CASS4: variants seen among roughly 807,000 people sequenced by gnomAD.
CASS4 encodes Cas scaffold protein family member 4.
CASS4 carries 22 observed loss-of-function variants against 54.2 expected under a neutral mutation model. The ratio of observed to expected loss-of-function variants is 0.41; its 90% CI spans 0.29 to 0.58. The LOEUF (loss-of-function observed/expected upper bound fraction) is 0.58, where lower values mean the gene tolerates loss of function less well. CASS4 is among the 20% of genes least tolerant of loss of function. CASS4 has a pLI of 0.36. For missense variants in CASS4, 854 were observed against 986.7 expected, an observed-to-expected ratio of 0.87 and a Z score of 1.80; for synonymous variants, 409 against 391.5, an observed-to-expected ratio of 1.04 and a Z score of -0.53.
intron 1 of CASS4, among the ~76,000 whole-genome samples, chr20:56,421,023 A>C (rs895291761): frequency 2.6e-5 from 4 of 152,228 alleles, no homozygotes; most frequent in Non-Finnish European, 5.9e-5. Flanking sequence ...GCTTTCCTGA[A>C]GCACCTCTAA....
chr20:56,450,548 G>A, intron 3 of CASS4, 51 bp from the exon 4 acceptor site: 1 of 1,522,000 alleles, frequency 6.6e-7, no homozygotes, highest in Non-Finnish European at 9.1e-7. Flanking sequence ...GTGATGTGTA[G>A]CCATTAGGAA....
At chr20:56,454,422 A>G (rs917558923) in intron 5 of CASS4, among the ~76,000 whole-genome samples, 1 of 152,222 alleles carries the variant, frequency 6.6e-6, no homozygotes, top group African/African-American at 2.4e-5. Context: ...TAAAATTTAC[A>G]TACACATATA....
At chr20:56,429,951 C>T (rs1483477579) in intron 1 of CASS4, among the ~76,000 whole-genome samples, 2 of 152,036 alleles carry the variant, frequency 1.3e-5, no homozygotes, top group Non-Finnish European at 2.9e-5. Flanking sequence ...AGATGGAAAC[C>T]CTGTATTTAT....
chr20:56,430,790 C>T lies in CASS4; in HGVS notation c.37-6374C>T, dbSNP rs141114997. On this transcript the variant is annotated intron_variant, in intron 1 of 5. Transcript: ENST00000679887. This position sits in a 1 kb window ranked among gnomAD's most constrained non-coding sequence, Gnocchi z 4.2. ...TGAGACCCAGAGGAGGAGGATCTGG[C>T]GGAAGAGAGTTCTGGGCAGAAGGAA... Among the ~76,000 whole-genome samples the T allele has an allele frequency of 5.5e-3, 831 of 152,058 alleles. 8 individuals carry two copies. Among genetic ancestry groups the T allele is most frequent in the African/African-American group, 0.014 (589 of 41,448 alleles).
intron 1 of CASS4, among the ~76,000 whole-genome samples, chr20:56,431,132 C>T (rs116392899): frequency 6.5e-4 from 99 of 152,274 alleles, no homozygotes; most frequent in African/African-American, 2.3e-3. Context: ...TTGGACAAGT[C>T]ATTTGATCTC....
intron 4 of CASS4, 96 bp from the exon 5 acceptor site, chr20:56,451,723 T>C (rs16979934): frequency 0.052 from 46,441 of 886,538 alleles, 1,297 homozygotes; most frequent in African/African-American, 0.076. Context: ...GGGGAGCCAC[T>C]GAAGGAGCGG....
chr20:56,421,421 G>T (rs1314246542), intron 1 of CASS4, among the ~76,000 whole-genome samples: 2 of 152,176 alleles, frequency 1.3e-5, no homozygotes, highest in Non-Finnish European at 1.5e-5. Flanking sequence ...TGGGGGCTGG[G>T]TGTGGTAGTC....
intron 1 of CASS4, among the ~76,000 whole-genome samples, chr20:56,426,830 C>T (rs1464767558): frequency 6.6e-6 from 1 of 152,186 alleles, no homozygotes; most frequent in Admixed American, 6.5e-5. Flanking sequence ...CTGCTCACCT[C>T]AGCCTCCCAA....
chr20:56,425,276 C>CT (rs1459069725), intron 1 of CASS4, among the ~76,000 whole-genome samples: 2 of 152,222 alleles, frequency 1.3e-5, no homozygotes, highest in Non-Finnish European at 2.9e-5. Flanking sequence ...CTTTAAAACA[C>CT]TTTGAGTCTA....
chr20:56,429,873 A>T (rs1979824116), intron 1 of CASS4, among the ~76,000 whole-genome samples: 2 of 151,990 alleles, frequency 1.3e-5, no homozygotes, highest in African/African-American at 4.8e-5. Context: ...AACTTCCTGT[A>T]TTTTTTATAA....
intron 2 of CASS4, among the ~76,000 whole-genome samples, chr20:56,443,478 A>AAAAAAAAAAAAAAAG (rs1215208023): frequency 6.6e-6 from 1 of 151,450 alleles, no homozygotes; most frequent in African/African-American, 2.4e-5. Context: ...CCAAAAAAAA[A>AAAAAAAAAAAAAAAG]AAGAAGCTTG....
intron 5 of CASS4, among the ~76,000 whole-genome samples, chr20:56,455,310 G>A (rs1213893194): frequency 1.3e-5 from 2 of 152,218 alleles, no homozygotes; most frequent in Admixed American, 1.3e-4. Flanking sequence ...AAGTTAAGAG[G>A]AAGGTGGAAA....
chr20:56,417,510 T>C lies in CASS4; in HGVS notation c.36+5016T>C, dbSNP rs142548728. Among the ~76,000 whole-genome samples the C allele has an allele frequency of 3.4e-3, 517 of 152,328 alleles. 4 individuals carry two copies. Among genetic ancestry groups the C allele is most frequent in the African/African-American group, 0.012 (506 of 41,562 alleles). ...TACCTTCACTTATTAAGATCTGAAA[T>C]TATCTCACTTTGTTTGTTCCTCTGT... is the stretch of plus-strand genomic sequence containing the variant. On this transcript the variant is annotated intron_variant, in intron 1 of 5. Transcript: ENST00000679887.
intron 5 of CASS4, among the ~76,000 whole-genome samples, chr20:56,455,127 CT>C (rs201650745): frequency 1.1e-5 from 1 of 95,042 alleles, no homozygotes; most frequent in African/African-American, 4.7e-5. Context: ...GATGTTCTTC[CT>C]TTTTTAAAAA....
At chr20:56,445,691 C>T (rs1980671904) in intron 2 of CASS4, among the ~76,000 whole-genome samples, 1 of 152,186 alleles carries the variant, frequency 6.6e-6, no homozygotes, top group African/African-American at 2.4e-5. Flanking sequence ...ACATCGTGGG[C>T]CACGTGCGAG....
Position 56,437,662 on chromosome 20 carries a change from A to AT in CASS4, c.459+77dup. On this transcript the variant is annotated intron_variant, in intron 2 of 5. Coordinates refer to ENST00000679887, the MANE Select transcript of CASS4 (RefSeq NM_020356.4). This position sits in a 1 kb window ranked among gnomAD's most constrained non-coding sequence, Gnocchi z 4.7. Reference sequence around the variant, plus strand: ...CAGAGGCCTAACTACCTCTTGAGGCATGGGTGTCCTTCAGATCAAACACGC... The same window carrying AT: ...CAGAGGCCTAACTACCTCTTGAGGCATTGGGTGTCCTTCAGATCAAACACGC... 7.6e-7 allele frequency: 1 copy of AT among 1,317,160 alleles called. No individual in the cohort carries two copies. The allele number at this position is 1,317,160 out of a possible 1,614,324, so 81.6% of individuals were successfully genotyped here. A position where few individuals can be genotyped will look rare whatever the true frequency, so the allele number is the denominator to read the frequency against.
At chr20:56,419,837 G>A (rs1457984027) in intron 1 of CASS4, among the ~76,000 whole-genome samples, 1 of 152,088 alleles carries the variant, frequency 6.6e-6, no homozygotes, top group Non-Finnish European at 1.5e-5. Context: ...GAGGTCGGGA[G>A]TTCAATACCA....
Position 56,445,299 on chromosome 20 carries a change from A to G in CASS4, c.460-601A>G, listed in dbSNP as rs547700319. ...TTCTCTTCTGCCTCCCACTGCTGCC[A>G]GCAAAAGCTGCCAGCTGCAGCTCAA... is the stretch of plus-strand genomic sequence containing the variant. On this transcript the variant is annotated intron_variant, in intron 2 of 5. Transcript: ENST00000679887. Among the ~76,000 whole-genome samples the G allele has an allele frequency of 4.6e-5, 7 of 152,088 alleles. 1 individual carries two copies. The East Asian group carries it at 9.7e-4, about 21-fold the overall frequency.
chr20:56,434,514 G>A (rs555787803), intron 1 of CASS4, among the ~76,000 whole-genome samples: 5 of 152,208 alleles, frequency 3.3e-5, no homozygotes, highest in African/African-American at 9.6e-5. Flanking sequence ...TCAGCTCACT[G>A]CAACCTCTGC....
Sources: gnomAD v4.1 joint callset for allele counts (sites outside exome capture counted in the v4.1 genomes callset) on GRCh38, gnomAD v4.1.1 for gene constraint, Gnocchi (gnomAD v3.1) non-coding constraint, MANE v1.5 for transcripts, NCBI Gene and HGNC (gene_info 2026-07-23, HGNC 2026-07-21) for gene names.